Variants in CPA6 observed in about 807,000 individuals in gnomAD.
CPA6 encodes carboxypeptidase A6.
Under a neutral mutation model 63.3 loss-of-function variants are expected in CPA6, and 58 were observed. That is an observed-to-expected ratio of 0.92 (90% CI 0.74 to 1.14). The LOEUF (loss-of-function observed/expected upper bound fraction) is 1.14. Ranked by LOEUF, CPA6 falls within the 50% of genes most tolerant of loss-of-function variation. CPA6 has a pLI of 0.00. For synonymous variants in CPA6, 185 were observed against 179.0 expected (o/e 1.03, Z -0.27); for missense variants, 565 against 526.6 (o/e 1.07, Z -0.71).
At chr8:67,575,658 AC>A (rs1813604237) in intron 2 of CPA6, among the ~76,000 whole-genome samples, 1 of 152,184 alleles carries the variant, frequency 6.6e-6, no homozygotes, top group South Asian at 2.1e-4. Flanking sequence ...GGAGTTCGAG[AC>A]CAGCCTGGCC....
intron 1 of CPA6, among the ~76,000 whole-genome samples, chr8:67,684,758 A>ATT (rs1816675911): frequency 6.6e-6 from 1 of 152,106 alleles, no homozygotes; most frequent in Non-Finnish European, 1.5e-5. Flanking sequence ...TCCTTGTAAA[A>ATT]TCCAGCGTTA....
chr8:67,577,904 C>A (rs1545824), intron 2 of CPA6, among the ~76,000 whole-genome samples: 60,689 of 151,960 alleles, frequency 0.4, 13,079 homozygotes, highest in East Asian at 0.53. Context: ...AATTGTCTAC[C>A]CAGTACATCA....
chr8:67,652,205 G>A (rs185404277), intron 1 of CPA6, among the ~76,000 whole-genome samples: 2,692 of 152,202 alleles, frequency 0.018, 86 homozygotes, highest in African/African-American at 0.059. Context: ...ATAAACATAC[G>A]TGTGCATGTG....
intron 2 of CPA6, among the ~76,000 whole-genome samples, chr8:67,554,139 A>G (rs112675677): frequency 1.3e-5 from 2 of 152,182 alleles, no homozygotes; most frequent in Non-Finnish European, 2.9e-5. Context: ...AGGGAGTGTA[A>G]TAGGTCATTC....
rs577255181 is a variant in CPA6 at position 67,711,917 on chromosome 8, C to A, written c.116+34097G>T. Among the ~76,000 whole-genome samples, 9 of 152,252 alleles carry A rather than the reference C, an allele frequency of 5.9e-5. No homozygotes were observed. In the South Asian group the frequency reaches 1.7e-3, roughly 28 times the overall value. On this transcript the variant is annotated intron_variant, in intron 1 of 10. Transcript: ENST00000297770. The stretch of plus-strand genomic sequence containing the variant: ...CCCCAAGGAGAAACAGAGCTGTGGT[C>A]AAATCCACAGAGCCATGTAATACTT...
At chr8:67,728,957 ATTCTTG>A (rs1399975877) in intron 1 of CPA6, among the ~76,000 whole-genome samples, 1 of 152,202 alleles carries the variant, frequency 6.6e-6, no homozygotes, top group African/African-American at 2.4e-5. Context: ...ACCCAATTTA[ATTCTTG>A]GACATTATAG....
At chr8:67,527,895 A>G (rs1587524856) in intron 2 of CPA6, among the ~76,000 whole-genome samples, 1 of 152,178 alleles carries the variant, frequency 6.6e-6, no homozygotes, top group Admixed American at 6.5e-5. Context: ...AAGAATCCCC[A>G]GGGTAGAGGG....
chr8:67,446,263 TAA>T (rs765715315), intron 8 of CPA6, among the ~76,000 whole-genome samples: 34 of 132,982 alleles, frequency 2.6e-4, no homozygotes, highest in Non-Finnish European at 2.6e-4. Context: ...AGACTCCATC[TAA>T]AAAAAAAAAA....
Position 67,733,212 on chromosome 8 carries a change from A to T in CPA6, c.116+12802T>A, listed in dbSNP as rs978353023. 1.1e-3 allele frequency among the ~76,000 whole-genome samples: 141 copies of T among 130,478 alleles called. 1 individual carries two copies. The highest frequency in any genetic ancestry group is 1.7e-3 in the African/African-American group (66 of 38,244). 85.6% of individuals were successfully genotyped at this position (130,478 alleles called of 152,430 possible). ...ACTCCATCTCAAAAAAAAAAAAAAA[A>T]AAAAAAAAAAAATAAAAAAATTTAG... On this transcript the variant is annotated intron_variant, in intron 1 of 10. Coordinates refer to ENST00000297770, the MANE Select transcript of CPA6 (RefSeq NM_020361.5).
At chr8:67,577,708 T>A (rs1200273285) in intron 2 of CPA6, among the ~76,000 whole-genome samples, 1 of 152,172 alleles carries the variant, frequency 6.6e-6, no homozygotes, top group Non-Finnish European at 1.5e-5. Flanking sequence ...TAAAAATAAT[T>A]CCGTAAGAGA....
chr8:67,538,512 G>GTTTTTTT (rs139665944), intron 2 of CPA6, among the ~76,000 whole-genome samples: 3 of 90,768 alleles, frequency 3.3e-5, no homozygotes, highest in Admixed American at 1.3e-4. Flanking sequence ...TGCAACCCCT[G>GTTTTTTT]TTTTTTTTTT....
intron 6 of CPA6, among the ~76,000 whole-genome samples, chr8:67,499,661 T>G (rs1220433009): frequency 6.6e-6 from 1 of 152,286 alleles, no homozygotes; most frequent in East Asian, 1.9e-4. Context: ...ACTCCACCCC[T>G]TCCCTAACCC....
intron 2 of CPA6, among the ~76,000 whole-genome samples, chr8:67,528,404 C>T (rs532340724): frequency 9.9e-5 from 15 of 152,224 alleles, no homozygotes; most frequent in African/African-American, 3.4e-4. Flanking sequence ...TGGCGTTTAC[C>T]TGAGCCCTGT....
intron 8 of CPA6, among the ~76,000 whole-genome samples, chr8:67,442,115 T>G (rs1587428466): frequency 6.6e-6 from 1 of 152,268 alleles, no homozygotes; most frequent in South Asian, 2.1e-4. Flanking sequence ...TCAGACTATG[T>G]GTAATAATGT....
chr8:67,651,789 T>C (rs1351301484), intron 1 of CPA6, among the ~76,000 whole-genome samples: 2 of 152,058 alleles, frequency 1.3e-5, no homozygotes, highest in Non-Finnish European at 2.9e-5. Flanking sequence ...ATGTGCACAT[T>C]GTGCAGGTTA....
At chr8:67,542,300 A>G (rs1812724187) in intron 2 of CPA6, among the ~76,000 whole-genome samples, 1 of 152,214 alleles carries the variant, frequency 6.6e-6, no homozygotes, top group Admixed American at 6.5e-5. Context: ...AAATTTTACA[A>G]CAGTTTTGAA....
intron 1 of CPA6, among the ~76,000 whole-genome samples, chr8:67,698,781 C>T (rs903095509): frequency 6.6e-6 from 1 of 152,156 alleles, no homozygotes; most frequent in African/African-American, 2.4e-5. Flanking sequence ...CTGGGAAAGG[C>T]AATGACACCT....
chr8:67,433,759 C>T (rs1810080469), intron 9 of CPA6, among the ~76,000 whole-genome samples: 1 of 152,186 alleles, frequency 6.6e-6, no homozygotes, highest in Non-Finnish European at 1.5e-5. Flanking sequence ...AGCTAGGGAA[C>T]TAGACTTGGG....
intron 8 of CPA6, among the ~76,000 whole-genome samples, chr8:67,457,418 TG>T (rs1287873388): frequency 6.6e-6 from 1 of 152,188 alleles, no homozygotes; most frequent in Non-Finnish European, 1.5e-5. Flanking sequence ...ACTGGATATA[TG>T]GGGGACTTAT....
Sources: allele counts gnomAD v4.1 joint callset (sites outside exome capture counted in the v4.1 genomes callset), GRCh38; gene constraint gnomAD v4.1.1; transcripts MANE v1.5; gene names NCBI Gene and HGNC (gene_info 2026-07-23, HGNC 2026-07-21).